CBLN2: variants seen among roughly 807,000 people sequenced by gnomAD.
CBLN2 encodes the protein cerebellin-2.
In CBLN2, 7 loss-of-function variants were observed where a neutral mutation model predicts 15.0. The ratio of observed to expected loss-of-function variants is 0.47; its 90% CI spans 0.27 to 0.88. The LOEUF is 0.88. CBLN2 is among the 40% of genes least tolerant of loss of function. CBLN2 has a pLI of 0.14. For synonymous variants in CBLN2, 149 were observed against 135.2 expected (o/e 1.10, Z -0.71); for missense variants, 242 against 304.5 (o/e 0.79, Z 1.53).
At chr18:72,635,245 G>T (rs561357329) in intron 1 of CBLN2, among the ~76,000 whole-genome samples, 1 of 152,076 alleles carries the variant, frequency 6.6e-6, no homozygotes, top group Non-Finnish European at 1.5e-5. Context: ...TGAAAAGCAA[G>T]GTCTCTAACT....
intron 1 of CBLN2, among the ~76,000 whole-genome samples, chr18:72,585,514 T>C (rs1406036838): frequency 1.3e-5 from 2 of 152,076 alleles, no homozygotes; most frequent in Non-Finnish European, 2.9e-5. Flanking sequence ...CATCCCATCA[T>C]CTGAGTGTGG....
At chr18:72,542,481 A>G (rs925701793) in intron 2 of CBLN2, among the ~76,000 whole-genome samples, 155 bp from the exon 3 acceptor site, 1 of 151,706 alleles carries the variant, frequency 6.6e-6, no homozygotes, top group African/African-American at 2.4e-5. Context: ...CTGGCACAAC[A>G]GGTCCGGAGA....
rs771302807 is a variant in CBLN2 at position 72,623,061 on chromosome 18, G to A, written c.15+15264C>T. 5.3e-5 allele frequency among the ~76,000 whole-genome samples: 8 copies of A among 152,270 alleles called. No individual in the cohort carries two copies. The East Asian group carries it at 1.5e-3, about 29-fold the overall frequency. Reference sequence around the variant, plus strand: ...AGGAAACTTACAGTCATGATCAGAGGCACATCTTACATGACAGGAGCAGGA... The same window carrying A: ...AGGAAACTTACAGTCATGATCAGAGACACATCTTACATGACAGGAGCAGGA... On this transcript the variant is annotated intron_variant, in intron 1 of 2. Coordinates refer to the CBLN2 transcript ENST00000581073.
At chr18:72,569,676 G>C (rs1006574173) in intron 1 of CBLN2, among the ~76,000 whole-genome samples, 2 of 152,124 alleles carry the variant, frequency 1.3e-5, no homozygotes, top group African/African-American at 4.8e-5. Context: ...GAGAGCAAGA[G>C]AGAGAGGGAG....
rs140093978 is a variant in CBLN2, at chr18:72,550,997, A to T, written c.16-12225T>A. ...TATGCCGATGGGTAATGCAGGGCAC[A>T]GTGTAAGAGTAACACATATACATGT... On this transcript the variant is annotated intron_variant, in intron 1 of 2. Coordinates refer to the CBLN2 transcript ENST00000581073. 5.4e-3 allele frequency among the ~76,000 whole-genome samples: 825 copies of T among 152,212 alleles called. 5 individuals are homozygous for T. Among genetic ancestry groups the T allele is most frequent in the Non-Finnish European group, 7.1e-3 (486 of 68,020 alleles).
chr18:72,615,455 T>C (rs1341160852), intron 1 of CBLN2, among the ~76,000 whole-genome samples: 2 of 151,282 alleles, frequency 1.3e-5, no homozygotes, highest in Admixed American at 1.3e-4. Flanking sequence ...TTTGTATTTT[T>C]AGTAGAGAAG....
At chr18:72,569,470 A>T (rs1409532177) in intron 1 of CBLN2, among the ~76,000 whole-genome samples, 1 of 152,204 alleles carries the variant, frequency 6.6e-6, no homozygotes, top group African/African-American at 2.4e-5. Context: ...ATATGAAAAC[A>T]ATTATCTTAT....
chr18:72,609,207 A>G (rs1224516507), intron 1 of CBLN2, among the ~76,000 whole-genome samples: 1 of 152,166 alleles, frequency 6.6e-6, no homozygotes, highest in Non-Finnish European at 1.5e-5. Context: ...GGGTTATGGG[A>G]TGAATTAATA....
upstream of CBLN2, among the ~76,000 whole-genome samples, chr18:72,546,248 T>C (rs2069157184): frequency 6.6e-6 from 1 of 152,084 alleles, no homozygotes; most frequent in Admixed American, 6.5e-5. Context: ...CCATCCTGGC[T>C]AACACGGTGA....
At chr18:72,598,248 T>C (rs141906864) in intron 1 of CBLN2, among the ~76,000 whole-genome samples, 1 of 152,214 alleles carries the variant, frequency 6.6e-6, no homozygotes, top group Non-Finnish European at 1.5e-5. Flanking sequence ...CAAGGGCTCT[T>C]TAGTCAGCAG....
rs566262006 is a variant in CBLN2 at position 72,562,152 on chromosome 18, T to C, written c.16-23380A>G. Reference sequence around the variant, plus strand: ...CAGATGACAGCTATTTGAAGCCAGCTATGTATCACATAAATTGAGCGTATA... The same window carrying C: ...CAGATGACAGCTATTTGAAGCCAGCCATGTATCACATAAATTGAGCGTATA... On this transcript the variant is annotated intron_variant, in intron 1 of 2. Coordinates refer to the CBLN2 transcript ENST00000581073. Among the ~76,000 whole-genome samples, 5 of 152,300 alleles carry C rather than the reference T, an allele frequency of 3.3e-5. No individual in the cohort carries two copies. The South Asian group carries it at 1.0e-3, about 32-fold the overall frequency.
intron 1 of CBLN2, among the ~76,000 whole-genome samples, chr18:72,605,882 G>C (rs1197598569): frequency 6.6e-6 from 1 of 152,228 alleles, no homozygotes; most frequent in Non-Finnish European, 1.5e-5. Flanking sequence ...TGCACACACA[G>C]AATAATTTGT....
At chr18:72,570,342 A>G (rs910769397) in intron 1 of CBLN2, among the ~76,000 whole-genome samples, 6 of 147,520 alleles carry the variant, frequency 4.1e-5, no homozygotes, top group Admixed American at 6.8e-5. Flanking sequence ...GGCTCAGGCA[A>G]TATGCCCACC....
At position 72,543,519 on chromosome 18, in the gene CBLN2, C is replaced by G. The variant is rs2069134257; in HGVS notation, c.-200G>C. On this transcript the variant is annotated 5_prime_UTR_variant, in exon 2 of 5. Transcript: ENST00000269503. This position sits in a 1 kb window ranked among gnomAD's most constrained non-coding sequence, Gnocchi z 6.8. ...TCCATGCTGGGCGAGCTCCGCTGTC[C>G]GCGAAGTTGCTCTGCTTAGAGAAAA... 2.5e-6 allele frequency: 1 copy of G among 398,366 alleles called. No homozygotes were observed. Among genetic ancestry groups the G allele is most frequent in the South Asian group, 1.3e-4 (1 of 7,858 alleles). 24.7% of individuals were successfully genotyped at this position (398,366 alleles called of 1,614,324 possible).
At position 72,565,136 on chromosome 18, in the gene CBLN2, G is replaced by A. The variant is rs1163083790; in HGVS notation, c.16-26364C>T. 3.3e-5 allele frequency among the ~76,000 whole-genome samples: 5 copies of A among 152,206 alleles called. No individual in the cohort carries two copies. The East Asian group carries it at 9.6e-4, about 29-fold the overall frequency. The stretch of plus-strand genomic sequence containing the variant: ...GATCAGCATTACAAAAAGTGTTTAA[G>A]GAAGTACTTTAACTGAAAGAGAAAG... On this transcript the variant is annotated intron_variant, in intron 1 of 2. Transcript: ENST00000581073.
chr18:72,554,766 T>A (rs897252279), intron 1 of CBLN2, among the ~76,000 whole-genome samples: 1 of 151,904 alleles, frequency 6.6e-6, no homozygotes, highest in Non-Finnish European at 1.5e-5. Context: ...AGAAAAAAAA[T>A]TGAAATGTAT....
intron 1 of CBLN2, among the ~76,000 whole-genome samples, chr18:72,585,635 G>C (rs774741026): frequency 6.6e-6 from 1 of 152,170 alleles, no homozygotes; most frequent in Non-Finnish European, 1.5e-5. Flanking sequence ...CCAGCCACCA[G>C]GCCTCAGGCC....
intron 1 of CBLN2, among the ~76,000 whole-genome samples, chr18:72,563,265 G>A (rs902223933): frequency 6.6e-6 from 1 of 152,044 alleles, no homozygotes; most frequent in Non-Finnish European, 1.5e-5. Context: ...AATACTAAAT[G>A]GTCAAAGTTT....
intron 1 of CBLN2, among the ~76,000 whole-genome samples, chr18:72,558,731 T>A (rs528568543): frequency 6.6e-5 from 10 of 152,240 alleles, no homozygotes; most frequent in South Asian, 6.2e-4. Context: ...TTATAAATAT[T>A]TTCTATTGTA....
Sources: allele counts gnomAD v4.1 joint callset (sites outside exome capture counted in the v4.1 genomes callset), GRCh38; gene constraint gnomAD v4.1.1; non-coding constraint Gnocchi (gnomAD v3.1); transcripts MANE v1.5; gene names NCBI Gene and HGNC (gene_info 2026-07-23, HGNC 2026-07-21).